The following TRPM3 variants were observed in gnomAD, a reference collection of about 807,000 sequenced individuals.
TRPM3 encodes the protein long transient receptor potential channel 3.
A neutral mutation model predicts 181.2 loss-of-function variants in TRPM3; 77 were observed. The ratio of observed to expected loss-of-function variants is 0.42; its 90% confidence interval spans 0.35 to 0.51. The LOEUF (loss-of-function observed/expected upper bound fraction) is 0.51, where lower values mean the gene tolerates loss of function less well. Among genes scored for constraint, TRPM3 ranks in the 20% least tolerant of loss-of-function variants. The pLI, the probability that TRPM3 is intolerant of heterozygous loss-of-function variation, is 0.01. For missense variants in TRPM3, 1,759 were observed against 2,196.7 expected, an observed-to-expected ratio of 0.80 and a Z score of 3.98; for synonymous variants, 745 against 796.4, an observed-to-expected ratio of 0.94 and a Z score of 1.09.
intron 6 of TRPM3, among the ~76,000 whole-genome samples, chr9:70,824,251 G>A (rs1258837310): frequency 1.3e-5 from 2 of 152,086 alleles, no homozygotes; most frequent in South Asian, 2.1e-4. Flanking sequence ...CCTCCCTGGG[G>A]CCATCCTGAG....
intron 9 of TRPM3, among the ~76,000 whole-genome samples, chr9:70,677,292 A>C (rs1002551503): frequency 6.6e-6 from 1 of 152,158 alleles, no homozygotes; most frequent in African/African-American, 2.4e-5. Flanking sequence ...CCCTTAATCT[A>C]CATATAATTA....
At chr9:71,267,645 C>T (rs1374718309) in intron 1 of TRPM3, among the ~76,000 whole-genome samples, 1 of 152,186 alleles carries the variant, frequency 6.6e-6, no homozygotes, top group Admixed American at 6.5e-5. Flanking sequence ...AAGACATATT[C>T]TTTTTGAGTG....
intron 8 of TRPM3, among the ~76,000 whole-genome samples, chr9:70,683,790 G>T (rs886777724): frequency 1.6e-4 from 24 of 152,162 alleles, no homozygotes; most frequent in African/African-American, 5.5e-4. Context: ...CCACTTGGAA[G>T]TTGAGAGGGA....
intron 1 of TRPM3, among the ~76,000 whole-genome samples, chr9:71,003,590 C>A (rs191100030): frequency 2.4e-3 from 358 of 152,166 alleles, no homozygotes; most frequent in Admixed American, 4.3e-3. Context: ...CACAACCTTG[C>A]TAATAGGATG....
At chr9:71,320,972 T>C (rs1353345678) in intron 1 of TRPM3, among the ~76,000 whole-genome samples, 2 of 152,100 alleles carry the variant, frequency 1.3e-5, no homozygotes, top group African/African-American at 2.4e-5. Context: ...ATCGAAGGCA[T>C]CATCACTTGT....
At chr9:70,784,012 G>A in intron 7 of TRPM3, 93 bp downstream of exon 7, 1 of 1,502,102 alleles carries the variant, frequency 6.7e-7, no homozygotes, top group Non-Finnish European at 8.9e-7. Flanking sequence ...TTGATTTGAG[G>A]TCTTGGTTGA....
intron 1 of TRPM3, among the ~76,000 whole-genome samples, chr9:71,351,881 T>G (rs1397372707): frequency 4.3e-5 from 2 of 46,210 alleles, no homozygotes; most frequent in Admixed American, 2.0e-4. Context: ...TTTTTGTTTT[T>G]TTTTTTTTTT....
rs140535187 is a variant in TRPM3, at chr9:70,689,094, A to T, written c.1273-7516T>A. 1.1e-3 allele frequency among the ~76,000 whole-genome samples: 161 copies of T among 152,342 alleles called. 2 individuals are homozygous for T. Among genetic ancestry groups the T allele is most frequent in the African/African-American group, 3.7e-3 (154 of 41,580 alleles). ...GTGAATGTGGTGTATTAAGCCACAG[A>T]CCAAGAGTTTGTCACAAGTGTCAAG... On this transcript the variant is annotated intron_variant, in intron 8 of 25. Coordinates refer to ENST00000677713, the MANE Select transcript of TRPM3 (RefSeq NM_001366145.2).
At chr9:70,632,768 C>T (rs2066110897) in intron 12 of TRPM3, among the ~76,000 whole-genome samples, 1 of 152,136 alleles carries the variant, frequency 6.6e-6, no homozygotes, top group African/African-American at 2.4e-5. Context: ...CAAATTCTTA[C>T]CATCCTGTTC....
At chr9:70,892,859 A>G (rs59574218) in intron 1 of TRPM3, among the ~76,000 whole-genome samples, 2,315 of 152,270 alleles carry the variant, frequency 0.015, 64 homozygotes, top group African/African-American at 0.052. Context: ...CAACAAAATA[A>G]TATTACAGGT....
At chr9:71,089,527 T>A (rs967487304) in intron 1 of TRPM3, among the ~76,000 whole-genome samples, 17 of 151,946 alleles carry the variant, frequency 1.1e-4, no homozygotes, top group African/African-American at 4.1e-4. Context: ...GAAATTGATT[T>A]AGAATTTTTT....
rs2093724862 is a variant in TRPM3, at chr9:71,420,727, G to GAA, written c.183+25925_183+25926insTT. ...AGAGAGAAAGAAAGAGAGAAAGAGA[G>GAA]AGAGAGAGAAAGAGAGAGAAAGAGA... is the stretch of plus-strand genomic sequence containing the variant. On this transcript the variant is annotated intron_variant, in intron 1 of 24. Coordinates refer to the TRPM3 transcript ENST00000357533. Among the ~76,000 whole-genome samples the GAA allele has an allele frequency of 4.0e-4, 18 of 45,322 alleles. 1 individual carries two copies. The highest frequency in any genetic ancestry group is 1.7e-3 in the East Asian group (3 of 1,716). The allele number at this position is 45,322 out of a possible 152,430, so 29.7% of individuals were successfully genotyped here. A position where few individuals can be genotyped will look rare whatever the true frequency, so the allele number is the denominator to read the frequency against.
At chr9:70,683,957 A>G (rs1158576817) in intron 8 of TRPM3, among the ~76,000 whole-genome samples, 1 of 152,208 alleles carries the variant, frequency 6.6e-6, no homozygotes, top group African/African-American at 2.4e-5. Context: ...AGATATTATC[A>G]TGTATCATGT....
chr9:70,618,985 C>T lies in TRPM3; in HGVS notation c.2240G>A (p.Cys747Tyr), dbSNP rs749161018. The T allele has an allele frequency of 6.2e-7, 1 of 1,614,190 alleles. No homozygotes were observed. The highest frequency in any genetic ancestry group is 8.5e-7 in the Non-Finnish European group (1 of 1,180,026). Reference sequence around the variant, plus strand: ...TTTGGCAGCCACGGCAAGCTGCAGGCACGTGGCGTTGCTCCAGTTCTTCAG... The same window carrying T: ...TTTGGCAGCCACGGCAAGCTGCAGGTACGTGGCGTTGCTCCAGTTCTTCAG... ...YELKNWSNAT[C>Y]LQLAVAAKHR... The change falls in exon 17 of 26, where the codon TGC becomes TAC. Residue 747 changes from cysteine (C) to tyrosine (Y), a missense_variant. Around this residue, in one of 8 missense-constraint regions of TRPM3, gnomAD observed 737 missense variants for 957.4 expected, o/e 0.77. Transcript: ENST00000677713.
intron 9 of TRPM3, among the ~76,000 whole-genome samples, chr9:70,675,018 T>C (rs2063722482): frequency 6.6e-6 from 1 of 152,154 alleles, no homozygotes; most frequent in African/African-American, 2.4e-5. Flanking sequence ...CAGTATGCTT[T>C]CCTAAAACTT....
At chr9:70,634,646 ATTC>A (rs1355695151) in intron 12 of TRPM3, among the ~76,000 whole-genome samples, 3 of 152,218 alleles carry the variant, frequency 2.0e-5, no homozygotes, top group Non-Finnish European at 4.4e-5. Flanking sequence ...AATGAAAATA[ATTC>A]TACCCGATCC....
chr9:71,165,738 T>C lies in TRPM3; in HGVS notation c.183+280915A>G, dbSNP rs572291567. On this transcript the variant is annotated intron_variant, in intron 1 of 24. Transcript: ENST00000357533. ...CTAATCATGAGAGAGAGGCATAAAT[T>C]ATTTCTGAAGACAAGCATTTCAGAG... is the stretch of plus-strand genomic sequence containing the variant. Among the ~76,000 whole-genome samples, 14 of 152,258 alleles carry C rather than the reference T, an allele frequency of 9.2e-5. No homozygotes were observed. The South Asian group carries it at 1.7e-3, about 18-fold the overall frequency.
intron 1 of TRPM3, among the ~76,000 whole-genome samples, chr9:71,390,306 A>G (rs1364239573): frequency 6.6e-6 from 1 of 152,072 alleles, no homozygotes; most frequent in Non-Finnish European, 1.5e-5. Flanking sequence ...TTATACACAT[A>G]AAGGAAACTT....
chr9:70,909,784 CA>C (rs1463673590), intron 1 of TRPM3, among the ~76,000 whole-genome samples: 6 of 152,140 alleles, frequency 3.9e-5, no homozygotes, highest in Non-Finnish European at 1.5e-5. Flanking sequence ...TAGGTCAGTG[CA>C]AAAGCAATTG....
Sources: allele counts gnomAD v4.1 joint callset (sites outside exome capture counted in the v4.1 genomes callset), GRCh38; gene constraint gnomAD v4.1.1; regional missense constraint gnomAD v4.1.1; transcripts MANE v1.5; gene names NCBI Gene and HGNC (gene_info 2026-07-23, HGNC 2026-07-21).